Variants in PRKCE observed in about 807,000 individuals in gnomAD.
The protein encoded by PRKCE is protein kinase C epsilon, also known as protein kinase C epsilon type.
In PRKCE, 16 loss-of-function variants were observed where a neutral mutation model predicts 85.4. That is an observed-to-expected ratio of 0.19 (90% CI 0.13 to 0.28). The LOEUF is 0.28. Among genes scored for constraint, PRKCE ranks in the 10% least tolerant of loss-of-function variants. PRKCE has a pLI of 1.00. For synonymous variants in PRKCE, 388 were observed against 371.5 expected, an observed-to-expected ratio of 1.04 and a Z score of -0.51; for missense variants, 573 against 975.2, an observed-to-expected ratio of 0.59 and a Z score of 5.49.
At chr2:45,768,459 G>T (rs1320235661) in intron 1 of PRKCE, among the ~76,000 whole-genome samples, 2 of 152,152 alleles carry the variant, frequency 1.3e-5, no homozygotes, top group African/African-American at 4.8e-5. Context: ...TTTTGGTTGA[G>T]AAATGAAGGA....
intron 1 of PRKCE, among the ~76,000 whole-genome samples, chr2:45,658,551 G>C (rs1675489616): frequency 6.6e-6 from 1 of 152,212 alleles, no homozygotes; most frequent in Admixed American, 6.5e-5. Context: ...GTGTGACTTT[G>C]AGCATGTGAC....
chr2:46,043,187 A>G (rs1489966144), intron 10 of PRKCE, among the ~76,000 whole-genome samples: 2 of 152,106 alleles, frequency 1.3e-5, no homozygotes, highest in African/African-American at 4.8e-5. Context: ...ACAGTTTCAG[A>G]TATGTACTTC....
intron 6 of PRKCE, among the ~76,000 whole-genome samples, chr2:45,991,250 A>G (rs1574141680): frequency 6.7e-6 from 1 of 149,480 alleles, no homozygotes; most frequent in African/African-American, 2.5e-5. Context: ...CAAGTGATCC[A>G]CCTACCTCAG....
At chr2:46,157,799 C>T (rs1321881980) in intron 13 of PRKCE, among the ~76,000 whole-genome samples, 4 of 152,228 alleles carry the variant, frequency 2.6e-5, no homozygotes, top group Non-Finnish European at 4.4e-5. Flanking sequence ...TCTACTACAC[C>T]CTTGGCCTCA....
At chr2:45,928,140 T>C (rs1698768563) in intron 2 of PRKCE, among the ~76,000 whole-genome samples, 1 of 152,220 alleles carries the variant, frequency 6.6e-6, no homozygotes, top group African/African-American at 2.4e-5. Context: ...AAACTGCTTC[T>C]AGTTGTTCTG....
At position 45,935,065 on chromosome 2, in the gene PRKCE, T is replaced by TCACACACACACACA. The variant is rs758047038; in HGVS notation, c.413-41363_413-41362insACACACACACACAC. On this transcript the variant is annotated intron_variant, in intron 2 of 14. Transcript: ENST00000306156. The stretch of plus-strand genomic sequence containing the variant: ...AGCAAAGCGAGACACTCACTCTCTC[T>TCACACACACACACA]CTCACACACACACACACACACACAC... 1.7e-4 allele frequency among the ~76,000 whole-genome samples: 18 copies of TCACACACACACACA among 107,210 alleles called. No individual in the cohort carries two copies. The South Asian group carries it at 3.3e-3, about 20-fold the overall frequency. The allele number at this position is 107,210 out of a possible 152,430, so 70.3% of individuals were successfully genotyped here. A position where few individuals can be genotyped will look rare whatever the true frequency, so the allele number is the denominator to read the frequency against.
intron 1 of PRKCE, among the ~76,000 whole-genome samples, chr2:45,769,531 G>A (rs1558651696): frequency 6.6e-6 from 1 of 152,122 alleles, no homozygotes; most frequent in Non-Finnish European, 1.5e-5. Flanking sequence ...GGGATCTTGG[G>A]CCCCGGAAAC....
At chr2:45,997,214 A>G (rs530712341) in intron 6 of PRKCE, among the ~76,000 whole-genome samples, 2 of 151,854 alleles carry the variant, frequency 1.3e-5, no homozygotes, top group South Asian at 4.2e-4. Context: ...TCTCTCTCTC[A>G]CTAGCCTTAC....
chr2:45,735,029 G>C lies in PRKCE; in HGVS notation c.348+82581G>C, dbSNP rs143596168. 3.9e-5 allele frequency among the ~76,000 whole-genome samples: 6 copies of C among 152,316 alleles called. No homozygotes were observed. The East Asian group carries it at 1.2e-3, about 29-fold the overall frequency. The stretch of plus-strand genomic sequence containing the variant: ...CCCCTTCCACCTAGATTGTTTCTGA[G>C]AACAGTCTTCAATAAACCTCCTACA... On this transcript the variant is annotated intron_variant, in intron 1 of 14. Coordinates refer to ENST00000306156, the MANE Select transcript of PRKCE (RefSeq NM_005400.3).
rs528556125 is a variant in PRKCE at position 45,986,833 on chromosome 2, C to A, written c.823+2153C>A. On this transcript the variant is annotated intron_variant, in intron 6 of 14. Transcript: ENST00000306156. ...CATTCCACTTCCCCGTTGGAGTATTCTTTCTAGTGTGTGACCCTGAACAAA... is the reference window on the plus strand; with the variant it reads ...CATTCCACTTCCCCGTTGGAGTATTATTTCTAGTGTGTGACCCTGAACAAA... Among the ~76,000 whole-genome samples the A allele has an allele frequency of 5.3e-5, 8 of 152,188 alleles. No homozygotes were observed. In the South Asian group the frequency reaches 1.7e-3, roughly 32 times the overall value.
At chr2:45,696,764 G>T in intron 1 of PRKCE, among the ~76,000 whole-genome samples, 1 of 152,200 alleles carries the variant, frequency 6.6e-6, no homozygotes, top group South Asian at 2.1e-4. Context: ...TCCACAGAGT[G>T]AAATCTGGCC....
At chr2:46,000,387 A>G (rs1704574688) in intron 6 of PRKCE, among the ~76,000 whole-genome samples, 1 of 151,800 alleles carries the variant, frequency 6.6e-6, no homozygotes, top group Admixed American at 6.6e-5. Flanking sequence ...CAGGATGGCT[A>G]GAGTGGGCTG....
intron 13 of PRKCE, among the ~76,000 whole-genome samples, chr2:46,157,675 A>G (rs1677349218): frequency 6.6e-6 from 1 of 152,234 alleles, no homozygotes; most frequent in Non-Finnish European, 1.5e-5. Context: ...AACTGAGAAG[A>G]GCCTCTGGCT....
intron 11 of PRKCE, among the ~76,000 whole-genome samples, chr2:46,123,137 A>G (rs1460273998): frequency 1.0e-5 from 1 of 95,664 alleles, no homozygotes; most frequent in Non-Finnish European, 2.1e-5. Context: ...AAGTTGACTG[A>G]AGTTCACTAG....
At chr2:46,133,028 A>G (rs1674616371) in intron 11 of PRKCE, among the ~76,000 whole-genome samples, 1 of 152,156 alleles carries the variant, frequency 6.6e-6, no homozygotes, top group Admixed American at 6.5e-5. Flanking sequence ...GGGGCTAACC[A>G]ATCTCCTAGC....
intron 11 of PRKCE, among the ~76,000 whole-genome samples, chr2:46,108,604 T>C (rs1283263088): frequency 2.0e-5 from 3 of 152,202 alleles, no homozygotes. Flanking sequence ...ATCACCACAA[T>C]GCAGTATATC....
At chr2:45,940,194 T>A (rs1699775946) in intron 2 of PRKCE, among the ~76,000 whole-genome samples, 1 of 152,176 alleles carries the variant, frequency 6.6e-6, no homozygotes, top group Non-Finnish European at 1.5e-5. Context: ...TCAGGTAATC[T>A]GGCACCAGTC....
At chr2:45,696,197 C>G (rs1175077466) in intron 1 of PRKCE, among the ~76,000 whole-genome samples, 4 of 150,108 alleles carry the variant, frequency 2.7e-5, no homozygotes, top group African/African-American at 9.8e-5. Context: ...CTCAAGTGAT[C>G]CTTTCACCTA....
intron 10 of PRKCE, among the ~76,000 whole-genome samples, chr2:46,072,555 G>A (rs1668167764): frequency 6.6e-6 from 1 of 152,206 alleles, no homozygotes; most frequent in African/African-American, 2.4e-5. Context: ...ATCTAAACAC[G>A]GTCGGGACCT....
Sources: gnomAD v4.1 joint callset for allele counts (sites outside exome capture counted in the v4.1 genomes callset) on GRCh38, gnomAD v4.1.1 for gene constraint, MANE v1.5 for transcripts, NCBI Gene and HGNC (gene_info 2026-07-23, HGNC 2026-07-21) for gene names.